The following SDAD1 variants were observed in gnomAD, a reference collection of about 807,000 sequenced individuals.
SDAD1 encodes the protein SDA1 domain containing 1.
SDAD1 carries 79 observed loss-of-function variants against 100.3 expected under a neutral mutation model. The observed-to-expected ratio is 0.79, with a 90% CI of 0.66 to 0.95. The LOEUF is 0.95. Among genes scored for constraint, SDAD1 ranks in the 40% least tolerant of loss-of-function variants. SDAD1 has a pLI of 0.00. For synonymous variants in SDAD1, 267 were observed against 271.4 expected, an observed-to-expected ratio of 0.98 and a Z score of 0.16; for missense variants, 790 against 810.9, an observed-to-expected ratio of 0.97 and a Z score of 0.31.
At chr4:75,961,658 A>G (rs949325954) in intron 14 of SDAD1, among the ~76,000 whole-genome samples, 21 of 152,236 alleles carry the variant, frequency 1.4e-4, no homozygotes, top group Non-Finnish European at 2.8e-4. Context: ...GAAAATAAAA[A>G]GCTGCTGTTC....
At chr4:75,954,675 T>C (rs548287157) in intron 21 of SDAD1, among the ~76,000 whole-genome samples, 6 of 152,302 alleles carry the variant, frequency 3.9e-5, no homozygotes, top group Admixed American at 6.5e-5. Context: ...GCATGCAAGA[T>C]TGTGTAAAAA....
intron 21 of SDAD1, 117 bp downstream of exon 21, chr4:75,955,858 C>A: frequency 8.4e-7 from 1 of 1,187,378 alleles, no homozygotes; most frequent in Non-Finnish European, 1.2e-6. Flanking sequence ...TCCAACAATG[C>A]TCCCAAGACA....
intron 16 of SDAD1, 63 bp from the exon 17 acceptor site, chr4:75,960,255 T>C (rs926934931): frequency 5.2e-6 from 7 of 1,350,142 alleles, no homozygotes; most frequent in Non-Finnish European, 7.0e-6. Context: ...TCATGAAAGG[T>C]AGTCTCTGAA....
chr4:75,974,253 G>C (rs1730028548), intron 6 of SDAD1, 120 bp from the exon 7 acceptor site: 5 of 794,220 alleles, frequency 6.3e-6, no homozygotes, highest in Non-Finnish European at 8.6e-6. Flanking sequence ...ATTCCCAGTT[G>C]TAATATTTTA....
At chr4:75,959,846 C>A (rs918188182) in intron 17 of SDAD1, among the ~76,000 whole-genome samples, 1 of 152,174 alleles carries the variant, frequency 6.6e-6, no homozygotes, top group African/African-American at 2.4e-5. Context: ...GCGGCAGCCA[C>A]CCCGAAGGTC....
At position 75,977,759 on chromosome 4, in the gene SDAD1, C is replaced by T. The variant is rs755899524; in HGVS notation, c.295-3G>A. 11 of 1,575,988 alleles carry T rather than the reference C, an allele frequency of 7.0e-6. No homozygotes were observed. Among genetic ancestry groups the T allele is most frequent in the East Asian group, 6.7e-5 (3 of 44,608 alleles). On this transcript the variant is annotated splice_region_variant and splice_polypyrimidine_tract_variant and intron_variant, in intron 3 of 21. Transcript: ENST00000356260. ...AAGATCAAAGCTTTGCAAAATGTCT[C>T]GGGAAGGAAAAAAACATACCATAAG...
intron 1 of SDAD1, among the ~76,000 whole-genome samples, chr4:75,989,198 C>T (rs551903482): frequency 6.6e-6 from 1 of 152,320 alleles, no homozygotes; most frequent in South Asian, 2.1e-4. Context: ...ACTTTAGCTA[C>T]ACTGGCTTCT....
In SDAD1 at chr4:75,983,246, T is replaced by C. The variant is rs1327197236; in HGVS notation, c.91-1209A>G. 3.9e-5 allele frequency among the ~76,000 whole-genome samples: 6 copies of C among 152,248 alleles called. No homozygotes were observed. In the East Asian group the frequency reaches 1.2e-3, roughly 29 times the overall value. The stretch of plus-strand genomic sequence containing the variant: ...TTTGCTATTGTGAATAGTGCTGCAA[T>C]AAACATATGTGTACATGTGTATTTA... On this transcript the variant is annotated intron_variant, in intron 1 of 21. Coordinates refer to ENST00000356260, the MANE Select transcript of SDAD1 (RefSeq NM_018115.4).
chr4:75,974,251 T>C, intron 6 of SDAD1, 118 bp from the exon 7 acceptor site: 1 of 797,120 alleles, frequency 1.3e-6, no homozygotes, highest in East Asian at 2.7e-5. Context: ...GAATTCCCAG[T>C]TGTAATATTT....
chr4:75,967,462 T>G (rs1578128459), intron 11 of SDAD1, 128 bp from the exon 12 acceptor site: 1 of 764,212 alleles, frequency 1.3e-6, no homozygotes, highest in East Asian at 2.7e-5. Flanking sequence ...CAGTAAGCAA[T>G]CATGCCCTAG....
At position 75,981,814 on chromosome 4, in the gene SDAD1, T is replaced by C. The variant is rs966612906; in HGVS notation, c.195+119A>G. ...AATAAAATTTGCAAAAAGGGAAAGT[T>C]AGAAAAATATTTTAATTAAGTTCCC... On this transcript the variant is annotated intron_variant, in intron 2 of 21. Transcript: ENST00000356260. 13 of 830,238 alleles carry C rather than the reference T, an allele frequency of 1.6e-5. No individual in the cohort carries two copies. The African/African-American group carries it at 1.7e-4, about 11-fold the overall frequency. The allele number at this position is 830,238 out of a possible 1,614,324, so 51.4% of individuals were successfully genotyped here. A position where few individuals can be genotyped will look rare whatever the true frequency, so the allele number is the denominator to read the frequency against.
chr4:75,989,209 T>C (rs925733359), intron 1 of SDAD1, among the ~76,000 whole-genome samples: 3 of 152,152 alleles, frequency 2.0e-5, no homozygotes, highest in African/African-American at 7.2e-5. Flanking sequence ...ACTGGCTTCT[T>C]CTCTGCTTTT....
chr4:75,955,827 G>T, intron 21 of SDAD1, 148 bp downstream of exon 21: 1 of 909,538 alleles, frequency 1.1e-6, no homozygotes. Context: ...TCCCATTAAT[G>T]GGAACTCTCC....
chr4:75,968,768 A>C (rs1729696316), intron 11 of SDAD1, among the ~76,000 whole-genome samples: 1 of 152,218 alleles, frequency 6.6e-6, no homozygotes, highest in Non-Finnish European at 1.5e-5. Flanking sequence ...GCGGTGGCTC[A>C]TGCCTATAAT....
At chr4:75,963,299 G>A (rs1729354710) in intron 14 of SDAD1, among the ~76,000 whole-genome samples, 1 of 134,646 alleles carries the variant, frequency 7.4e-6, no homozygotes, top group African/African-American at 3.0e-5. Context: ...CTGTAGCCTT[G>A]TAGTATAGTT....
chr4:75,978,902 C>T (rs1256562371), intron 3 of SDAD1, among the ~76,000 whole-genome samples: 1 of 143,940 alleles, frequency 6.9e-6, no homozygotes, highest in Non-Finnish European at 1.5e-5. Flanking sequence ...CTGCTTGAGC[C>T]CAGAAGCTTG....
Position 75,970,378 on chromosome 4 carries a change from T to G in SDAD1, c.814A>C (p.Lys272Gln). 6.2e-7 allele frequency: 1 copy of G among 1,612,272 alleles called. No homozygotes were observed. Among genetic ancestry groups the G allele is most frequent in the South Asian group, 1.1e-5 (1 of 91,050 alleles). The change falls in exon 10 of 22, where the codon AAA becomes CAA. Residue 272 changes from lysine (K) to glutamine (Q), a missense_variant and splice_region_variant. Physicochemically the swap from Lys to Gln is moderately conservative, Grantham distance 53 (BLOSUM62 1). Coordinates refer to ENST00000356260, the MANE Select transcript of SDAD1 (RefSeq NM_018115.4). ...TCTGGTTTTTTCTTCTTTTTTTGTT[T>G]CTGAAAGGGAGAGGAAAAACATTTT... is the stretch of plus-strand genomic sequence containing the variant. ...KLEKAMKVLK[K>Q]QKKKKKPEVF...
intron 11 of SDAD1, among the ~76,000 whole-genome samples, chr4:75,968,270 G>C (rs1346778882): frequency 6.6e-6 from 1 of 152,190 alleles, no homozygotes; most frequent in Non-Finnish European, 1.5e-5. Flanking sequence ...AAGCAATGTA[G>C]TCAGCAAAAT....
intron 14 of SDAD1, among the ~76,000 whole-genome samples, chr4:75,962,561 T>A (rs1729306582): frequency 1.3e-5 from 2 of 152,248 alleles, no homozygotes; most frequent in African/African-American, 4.8e-5. Context: ...CCAGCACCTA[T>A]CGTTTCCTGA....
Sources: allele counts gnomAD v4.1 joint callset (sites outside exome capture counted in the v4.1 genomes callset), GRCh38; gene constraint gnomAD v4.1.1; transcripts MANE v1.5; gene names NCBI Gene and HGNC (gene_info 2026-07-23, HGNC 2026-07-21).